AGAP1: variants seen among roughly 807,000 people sequenced by gnomAD.
AGAP1 encodes the protein ArfGAP with GTPase domain, ankyrin repeat and PH domain 1, also known as arf-GAP with GTPase, ANK repeat and PH domain-containing protein 1.
AGAP1 carries 29 observed loss-of-function variants against 105.3 expected under a neutral mutation model. The observed-to-expected ratio is 0.28, with a 90% confidence interval of 0.21 to 0.38. The LOEUF (loss-of-function observed/expected upper bound fraction) is 0.38, where lower values mean the gene tolerates loss of function less well. Among genes scored for constraint, AGAP1 ranks in the 10% least tolerant of loss-of-function variants. The pLI is 1.00. For synonymous variants in AGAP1, 509 were observed against 485.9 expected, an observed-to-expected ratio of 1.05 and a Z score of -0.63; for missense variants, 998 against 1,165.1, an observed-to-expected ratio of 0.86 and a Z score of 2.09.
chr2:235,629,705 C>T (rs1946761111), intron 1 of AGAP1, among the ~76,000 whole-genome samples: 1 of 138,672 alleles, frequency 7.2e-6, no homozygotes, highest in Non-Finnish European at 1.6e-5. Context: ...CCTATCTCTA[C>T]AATAAATGTA....
chr2:235,570,567 G>T (rs1449239606), intron 1 of AGAP1, among the ~76,000 whole-genome samples: 1 of 152,188 alleles, frequency 6.6e-6, no homozygotes, highest in Non-Finnish European at 1.5e-5. Flanking sequence ...GAAGAAGCAG[G>T]TGCCCTCATC....
At chr2:236,007,498 G>A (rs1042596097) in intron 13 of AGAP1, among the ~76,000 whole-genome samples, 4 of 152,180 alleles carry the variant, frequency 2.6e-5, no homozygotes, top group Non-Finnish European at 2.9e-5. Context: ...ACGGCCCTGC[G>A]TGAGAGCACA....
intron 6 of AGAP1, among the ~76,000 whole-genome samples, chr2:235,764,585 T>G (rs1030654679): frequency 2.0e-5 from 3 of 152,176 alleles, no homozygotes; most frequent in Admixed American, 2.0e-4. Flanking sequence ...CCCAAACATG[T>G]CTCCTTATCT....
intron 13 of AGAP1, among the ~76,000 whole-genome samples, chr2:236,029,979 T>G (rs1400649793): frequency 2.6e-5 from 4 of 152,196 alleles, no homozygotes; most frequent in Non-Finnish European, 1.5e-5. Context: ...GCTCAAGTGA[T>G]TCTGCCACCT....
intron 1 of AGAP1, among the ~76,000 whole-genome samples, chr2:235,686,722 C>T (rs545739700): frequency 3.1e-4 from 43 of 140,376 alleles, no homozygotes; most frequent in Admixed American, 1.3e-3. Context: ...AGCGCAGTGG[C>T]GTGATCATGG....
In AGAP1 at chr2:236,082,927, G is replaced by A. The variant is rs1284882862; in HGVS notation, c.2114+33646G>A. On this transcript the variant is annotated intron_variant, in intron 16 of 17. Coordinates refer to ENST00000304032, the MANE Select transcript of AGAP1 (RefSeq NM_001037131.3). The surrounding 1 kb of genome is among the most constrained non-coding windows in gnomAD (Gnocchi z 4.2). Reference sequence around the variant, plus strand: ...TCCCAGCACTCTGGGAGGCCGAGGTGGCCGGATCACCTGAGGTCAGGAATT... The same window carrying A: ...TCCCAGCACTCTGGGAGGCCGAGGTAGCCGGATCACCTGAGGTCAGGAATT... 6.6e-6 allele frequency among the ~76,000 whole-genome samples: 1 copy of A among 151,856 alleles called. No homozygotes were observed. Among genetic ancestry groups the A allele is most frequent in the African/African-American group, 2.4e-5 (1 of 41,312 alleles).
rs558541758 is a variant in AGAP1 at position 236,014,624 on chromosome 2, G to A, written c.1646-21937G>A. The stretch of plus-strand genomic sequence containing the variant: ...CCCTTCCTGAGTTCCTCTGTTCACC[G>A]CAGGGGAGTTGGAGGGCTCAGCCCA... On this transcript the variant is annotated intron_variant, in intron 13 of 17. Transcript: ENST00000304032. This position sits in a 1 kb window ranked among gnomAD's most constrained non-coding sequence, Gnocchi z 6.3. Among the ~76,000 whole-genome samples the A allele has an allele frequency of 2.2e-4, 34 of 152,270 alleles. No individual in the cohort carries two copies. In the South Asian group the frequency reaches 2.7e-3, roughly 12 times the overall value.
intron 1 of AGAP1, among the ~76,000 whole-genome samples, chr2:235,534,289 C>G (rs1008628029): frequency 6.6e-6 from 1 of 152,150 alleles, no homozygotes; most frequent in African/African-American, 2.4e-5. Context: ...AATACAGTGC[C>G]TGCTGCCACG....
chr2:236,023,677 G>T (rs1489562175), intron 13 of AGAP1, among the ~76,000 whole-genome samples: 1 of 152,150 alleles, frequency 6.6e-6, no homozygotes, highest in Admixed American at 6.5e-5. Flanking sequence ...GGGCTTGGTA[G>T]ATCCTGCACT....
chr2:235,656,828 CTT>C (rs1332966025), intron 1 of AGAP1, among the ~76,000 whole-genome samples: 1 of 152,160 alleles, frequency 6.6e-6, no homozygotes, highest in African/African-American at 2.4e-5. Flanking sequence ...GGCACTGAAA[CTT>C]TATATATAAC....
At position 235,875,130 on chromosome 2, in the gene AGAP1, A is replaced by G. The variant is rs577716829; in HGVS notation, c.1051-8215A>G. Among the ~76,000 whole-genome samples, 263 of 152,258 alleles carry G rather than the reference A, an allele frequency of 1.7e-3. No individual in the cohort carries two copies. Among genetic ancestry groups the G allele is most frequent in the African/African-American group, 5.5e-3 (229 of 41,554 alleles). ...CCTCTCCCCCATCTGCCCTTGCTGC[A>G]AGGAGGAGGTCAGCCTTGTTTTATA... On this transcript the variant is annotated intron_variant, in intron 9 of 17. Transcript: ENST00000304032. This position sits in a 1 kb window ranked among gnomAD's most constrained non-coding sequence, Gnocchi z 4.0.
rs1007378329 is a variant in AGAP1 at position 235,659,376 on chromosome 2, T to C, written c.164-49803T>C. On this transcript the variant is annotated intron_variant, in intron 1 of 17. Transcript: ENST00000304032. This position sits in a 1 kb window ranked among gnomAD's most constrained non-coding sequence, Gnocchi z 5.0. ...TGCCACAGTGTTGTATCTGAGTGAGTAGCGTCCTCCTTAAGCATTGGCTTT... is the reference window on the plus strand; with the variant it reads ...TGCCACAGTGTTGTATCTGAGTGAGCAGCGTCCTCCTTAAGCATTGGCTTT... Among the ~76,000 whole-genome samples, 3 of 152,192 alleles carry C rather than the reference T, an allele frequency of 2.0e-5. No individual in the cohort carries two copies. Among genetic ancestry groups the C allele is most frequent in the African/African-American group, 7.2e-5 (3 of 41,444 alleles).
chr2:235,692,204 G>A lies in AGAP1; in HGVS notation c.164-16975G>A, dbSNP rs1025431213. 1.3e-5 allele frequency among the ~76,000 whole-genome samples: 2 copies of A among 152,108 alleles called. No individual in the cohort carries two copies. The highest frequency in any genetic ancestry group is 2.4e-5 in the African/African-American group (1 of 41,400). ...AGATGCCCCTACCTGGCCAGGTCTC[G>A]TCGTGTCTAGGTGGTGACAGCCATG... is the stretch of plus-strand genomic sequence containing the variant. On this transcript the variant is annotated intron_variant, in intron 1 of 17. Transcript: ENST00000304032. The surrounding 1 kb of genome is among the most constrained non-coding windows in gnomAD (Gnocchi z 5.8).
At chr2:235,709,944 A>C (rs112684301) in intron 2 of AGAP1, among the ~76,000 whole-genome samples, 1 of 152,118 alleles carries the variant, frequency 6.6e-6, no homozygotes, top group Non-Finnish European at 1.5e-5. Flanking sequence ...CTGTGTATGT[A>C]TGTATATATG....
Position 235,919,157 on chromosome 2 carries a change from C to A in AGAP1, c.1324+10251C>A, listed in dbSNP as rs540121689. Among the ~76,000 whole-genome samples the A allele has an allele frequency of 1.3e-5, 2 of 152,162 alleles. No individual in the cohort carries two copies. The highest frequency in any genetic ancestry group is 3.9e-4 in the East Asian group (2 of 5,160). ...TGCCCGGAAGAGCCTCTGTGAATTA[C>A]CCGCGCCCCCTCCACCAGGGAGCCA... On this transcript the variant is annotated intron_variant, in intron 11 of 17. Coordinates refer to ENST00000304032, the MANE Select transcript of AGAP1 (RefSeq NM_001037131.3). This position sits in a 1 kb window ranked among gnomAD's most constrained non-coding sequence, Gnocchi z 4.1.
chr2:236,084,772 T>C (rs1273098368), intron 16 of AGAP1, among the ~76,000 whole-genome samples: 1 of 151,592 alleles, frequency 6.6e-6, no homozygotes, highest in Non-Finnish European at 1.5e-5. Flanking sequence ...GGCATGGTGG[T>C]GGGCGCCTGT....
chr2:235,514,183 C>CAT (rs141414295), intron 1 of AGAP1, among the ~76,000 whole-genome samples: 1 of 148,454 alleles, frequency 6.7e-6, no homozygotes, highest in African/African-American at 2.5e-5. Context: ...CACACACACA[C>CAT]ATACCTCCTC....
At chr2:236,025,908 G>GTGGGTGCGTGGGTGGGTGGATGGATGGA (rs547504974) in intron 13 of AGAP1, among the ~76,000 whole-genome samples, 1 of 100,314 alleles carries the variant, frequency 1.0e-5, no homozygotes, top group Admixed American at 8.8e-5. Context: ...TCTCGGGTGG[G>GTGGGTGCGTGGGTGGGTGGATGGATGGA]TGGATGGATG....
chr2:235,834,286 T>C (rs1477880883), intron 9 of AGAP1, among the ~76,000 whole-genome samples: 1 of 152,188 alleles, frequency 6.6e-6, no homozygotes, highest in East Asian at 1.9e-4. Flanking sequence ...CCGCATAGTA[T>C]GAGGTGCAGG....
Sources: gnomAD v4.1 joint callset for allele counts (sites outside exome capture counted in the v4.1 genomes callset) on GRCh38, gnomAD v4.1.1 for gene constraint, Gnocchi (gnomAD v3.1) non-coding constraint, MANE v1.5 for transcripts, NCBI Gene and HGNC (gene_info 2026-07-23, HGNC 2026-07-21) for gene names.